DNAJC6: variants seen among roughly 807,000 people sequenced by gnomAD.
DNAJC6 encodes auxilin.
Under a neutral mutation model 110.0 loss-of-function variants are expected in DNAJC6, and 34 were observed. That is an observed-to-expected ratio of 0.31 (90% CI 0.24 to 0.41). The LOEUF (loss-of-function observed/expected upper bound fraction) is 0.41, where lower values mean the gene tolerates loss of function less well. Among genes scored for constraint, DNAJC6 ranks in the 10% least tolerant of loss-of-function variants. The probability of loss-of-function intolerance (pLI) is 1.00; values close to 1 mark genes in which losing one functional copy is unlikely to be tolerated. For missense variants in DNAJC6, 1,031 were observed against 1,207.8 expected (o/e 0.85, Z 2.17); for synonymous variants, 406 against 437.2 (o/e 0.93, Z 0.89).
intron 13 of DNAJC6, among the ~76,000 whole-genome samples, chr1:65,397,387 A>G (rs1645989674): frequency 6.6e-6 from 1 of 152,216 alleles, no homozygotes; most frequent in Non-Finnish European, 1.5e-5. Flanking sequence ...TATTCTGAAG[A>G]GAATAATCAC....
chr1:65,415,333 G>A lies in DNAJC6; in HGVS notation c.*2308G>A, dbSNP rs1011776026. 2 of 152,054 alleles carry A rather than the reference G, an allele frequency of 1.3e-5. No homozygotes were observed. The highest frequency in any genetic ancestry group is 2.4e-5 in the African/African-American group (1 of 41,398). 9.4% of individuals were successfully genotyped at this position (152,054 alleles called of 1,614,324 possible). A position where few individuals can be genotyped will look rare whatever the true frequency, so the allele number is the denominator to read the frequency against. On this transcript the variant is annotated 3_prime_UTR_variant, in exon 19 of 19. Transcript: ENST00000371069. ...TAGGAATACAATGAGGAGCTTGAAT[G>A]CCACCTTCTGACATGATTTACTTTT...
intron 1 of DNAJC6, among the ~76,000 whole-genome samples, chr1:65,335,200 C>T (rs1050158205): frequency 4.0e-5 from 6 of 151,706 alleles, no homozygotes; most frequent in African/African-American, 1.2e-4. Context: ...CTCCACCTCG[C>T]GGGTTCAAGA....
At chr1:65,302,527 T>C (rs1486401164) in intron 1 of DNAJC6, among the ~76,000 whole-genome samples, 2 of 128,022 alleles carry the variant, frequency 1.6e-5, no homozygotes, top group East Asian at 2.1e-4. Flanking sequence ...TCCTTTCTTT[T>C]TTTTTTTTTT....
At position 65,364,300 on chromosome 1, in the gene DNAJC6, G is replaced by A. The variant is rs74080594; in HGVS notation, c.194-335G>A. On this transcript the variant is annotated intron_variant, in intron 1 of 18. Transcript: ENST00000371069. ...TCTTTTTTTTTTGCACCAAGCCTTT[G>A]GAATGTGTTGTGTGTTTTATATTTA... 6.7e-3 allele frequency among the ~76,000 whole-genome samples: 1,020 copies of A among 151,636 alleles called. 11 individuals are homozygous for A. Among genetic ancestry groups the A allele is most frequent in the African/African-American group, 0.024 (974 of 41,332 alleles).
intron 1 of DNAJC6, among the ~76,000 whole-genome samples, chr1:65,295,823 T>C (rs906669964): frequency 7.9e-5 from 12 of 152,326 alleles, no homozygotes; most frequent in African/African-American, 2.9e-4. Context: ...TTTTTCCTCC[T>C]ATCATTGCTT....
intron 1 of DNAJC6, among the ~76,000 whole-genome samples, chr1:65,354,330 C>G (rs1645521861): frequency 6.6e-6 from 1 of 152,166 alleles, no homozygotes; most frequent in Admixed American, 6.5e-5. Context: ...TCTGTTGTGA[C>G]TGTTACTAAA....
At chr1:65,347,823 C>T (rs949057408) in intron 1 of DNAJC6, among the ~76,000 whole-genome samples, 1 of 152,036 alleles carries the variant, frequency 6.6e-6, no homozygotes, top group Admixed American at 6.6e-5. Flanking sequence ...TCTCAGGATT[C>T]CTTGTTGCAT....
chr1:65,264,866 A>G (rs1328320289), exon 1 of DNAJC6: 9 of 1,612,026 alleles, frequency 5.6e-6, no homozygotes, highest in African/African-American at 1.3e-5. Flanking sequence ...TTGCAGAATC[A>G]GCCGGACTTT....
chr1:65,338,723 G>T lies in DNAJC6; in HGVS notation c.194-25912G>T, dbSNP rs1448625345. ...GTGTGTATCTATCCACTCTCTCTTGGATAAGTGGGAGCTCTATACATATCT... is the reference window on the plus strand; with the variant it reads ...GTGTGTATCTATCCACTCTCTCTTGTATAAGTGGGAGCTCTATACATATCT... On this transcript the variant is annotated intron_variant, in intron 1 of 18. Coordinates refer to ENST00000371069, the MANE Select transcript of DNAJC6 (RefSeq NM_001256864.2). Among the ~76,000 whole-genome samples the T allele has an allele frequency of 1.3e-5, 2 of 152,066 alleles. 1 individual carries two copies. The highest frequency in any genetic ancestry group is 4.8e-5 in the African/African-American group (2 of 41,400).
At chr1:65,314,017 C>CA (rs781602770) in intron 1 of DNAJC6, among the ~76,000 whole-genome samples, 45 of 152,058 alleles carry the variant, frequency 3.0e-4, no homozygotes, top group Non-Finnish European at 5.1e-4. Flanking sequence ...CTTAATTTAC[C>CA]AAGTTCATAA....
chr1:65,394,227 C>G (rs7555604), intron 12 of DNAJC6, among the ~76,000 whole-genome samples: 28,294 of 152,100 alleles, frequency 0.19, 5,874 homozygotes, highest in East Asian at 0.58. Flanking sequence ...AGTTAATTCT[C>G]TGCCTCATGT....
intron 4 of DNAJC6, among the ~76,000 whole-genome samples, chr1:65,367,472 T>A (rs950291309): frequency 1.2e-4 from 18 of 152,226 alleles, no homozygotes; most frequent in African/African-American, 4.3e-4. Context: ...TGTGGATAGA[T>A]ATTTTGTTCT....
chr1:65,408,192 A>G (rs1274307901), intron 16 of DNAJC6, among the ~76,000 whole-genome samples: 1 of 152,214 alleles, frequency 6.6e-6, no homozygotes, highest in African/African-American at 2.4e-5. Flanking sequence ...GAGAAAGATT[A>G]AGAGGCTACA....
intron 11 of DNAJC6, among the ~76,000 whole-genome samples, chr1:65,390,697 G>A (rs1445038981): frequency 6.6e-6 from 1 of 152,194 alleles, no homozygotes; most frequent in African/African-American, 2.4e-5. Context: ...TTGTGTGAAT[G>A]TAAGATAATA....
At chr1:65,367,774 A>G (rs1557545019) in intron 4 of DNAJC6, among the ~76,000 whole-genome samples, 1 of 152,062 alleles carries the variant, frequency 6.6e-6, no homozygotes, top group Admixed American at 6.6e-5. Context: ...GTAACTAAAG[A>G]TTTTGTGACT....
At chr1:65,338,223 C>CT (rs1645356648) in intron 1 of DNAJC6, among the ~76,000 whole-genome samples, 1 of 152,174 alleles carries the variant, frequency 6.6e-6, no homozygotes, top group African/African-American at 2.4e-5. Flanking sequence ...ATATTTCTTT[C>CT]TCCCATGCCA....
At position 65,413,393 on chromosome 1, in the gene DNAJC6, A is replaced by G. The variant is rs1202670283; in HGVS notation, c.*368A>G. The G allele has an allele frequency of 5.9e-6, 1 of 170,868 alleles. No homozygotes were observed. The highest frequency in any genetic ancestry group is 2.4e-5 in the African/African-American group (1 of 41,824). The allele number at this position is 170,868 out of a possible 1,614,324, so 10.6% of individuals were successfully genotyped here. On this transcript the variant is annotated 3_prime_UTR_variant, in exon 19 of 19. Transcript: ENST00000371069. ...TCTGAGAATAGGATTAATGAGCAAA[A>G]GTTATGATAATAGAGTTATATGATG...
At chr1:65,330,008 T>C (rs1028150475) in intron 1 of DNAJC6, among the ~76,000 whole-genome samples, 2 of 152,204 alleles carry the variant, frequency 1.3e-5, no homozygotes, top group African/African-American at 4.8e-5. Context: ...ACCTCTTTAT[T>C]TTACAGATGA....
At chr1:65,382,720 T>C (rs965313036) in intron 5 of DNAJC6, among the ~76,000 whole-genome samples, 2 of 152,226 alleles carry the variant, frequency 1.3e-5, no homozygotes, top group African/African-American at 4.8e-5. Flanking sequence ...TGGGGTTATG[T>C]TAATAAAAGC....
Sources: allele counts gnomAD v4.1 joint callset (sites outside exome capture counted in the v4.1 genomes callset), GRCh38; gene constraint gnomAD v4.1.1; transcripts MANE v1.5; gene names NCBI Gene and HGNC (gene_info 2026-07-23, HGNC 2026-07-21).